Variants in DECR1 observed in about 807,000 individuals in gnomAD.
DECR1 encodes the protein 2,4-dienoyl-CoA reductase 1.
A neutral mutation model predicts 38.8 loss-of-function variants in DECR1; 44 were observed. The ratio of observed to expected loss-of-function variants is 1.13; its 90% CI spans 0.89 to 1.46. The LOEUF (loss-of-function observed/expected upper bound fraction) is 1.46, where lower values mean the gene tolerates loss of function less well. Among genes scored for constraint, DECR1 ranks in the 40% most tolerant of loss-of-function variants. The probability of loss-of-function intolerance (pLI) is 0.00; values close to 1 mark genes in which losing one functional copy is unlikely to be tolerated. For synonymous variants in DECR1, 148 were observed against 135.2 expected, an observed-to-expected ratio of 1.09 and a Z score of -0.66; for missense variants, 428 against 405.5, an observed-to-expected ratio of 1.06 and a Z score of -0.48.
intron 2 of DECR1, among the ~76,000 whole-genome samples, chr8:90,018,257 G>T (rs1813060496): frequency 1.3e-5 from 2 of 152,194 alleles, no homozygotes; most frequent in African/African-American, 4.8e-5. Flanking sequence ...TATAGGAAGG[G>T]TAAGACCATG....
chr8:90,035,181 A>G (rs1189033224), intron 5 of DECR1, among the ~76,000 whole-genome samples: 3 of 152,122 alleles, frequency 2.0e-5, no homozygotes, highest in Admixed American at 1.3e-4. Flanking sequence ...ATTGATTATG[A>G]TAATGTATTG....
chr8:90,016,837 G>T, intron 1 of DECR1: 1 of 341,510 alleles, frequency 2.9e-6, no homozygotes, highest in Non-Finnish European at 5.5e-6. Context: ...TTATTTTATT[G>T]TCCCCATTTT....
intron 4 of DECR1, among the ~76,000 whole-genome samples, chr8:90,019,651 G>A (rs1239239577): frequency 6.6e-6 from 1 of 152,184 alleles, no homozygotes; most frequent in African/African-American, 2.4e-5. Context: ...TAAAGAGGGG[G>A]TGCTTTCATC....
chr8:90,041,834 T>TTC (rs1373056607), intron 6 of DECR1, among the ~76,000 whole-genome samples: 1 of 152,134 alleles, frequency 6.6e-6, no homozygotes, highest in African/African-American at 2.4e-5. Flanking sequence ...ATCCTGGCTT[T>TTC]TCTCTCTCTT....
intron 4 of DECR1, among the ~76,000 whole-genome samples, chr8:90,019,768 C>T (rs921950302): frequency 6.6e-6 from 1 of 152,190 alleles, no homozygotes. Flanking sequence ...TTGAGAAGCA[C>T]CTATTTTCCA....
At chr8:90,002,344 C>G (rs1173192265) in intron 1 of DECR1, among the ~76,000 whole-genome samples, 1 of 152,138 alleles carries the variant, frequency 6.6e-6, no homozygotes, top group Non-Finnish European at 1.5e-5. Context: ...TATAGACTCC[C>G]CTTCCCAGAT....
rs185474203 is a variant in DECR1 at position 90,023,391 on chromosome 8, T to G, written c.565+2335T>G. On this transcript the variant is annotated intron_variant, in intron 5 of 9. Coordinates refer to ENST00000220764, the MANE Select transcript of DECR1 (RefSeq NM_001359.2). ...ACTCACTTAATGGTTATTACAGTTTTTTTTTGTTTAGATTCCTTTGGATTT... is the reference window on the plus strand; with the variant it reads ...ACTCACTTAATGGTTATTACAGTTTGTTTTTGTTTAGATTCCTTTGGATTT... Among the ~76,000 whole-genome samples the G allele has an allele frequency of 1.1e-4, 17 of 152,288 alleles. No homozygotes were observed. The East Asian group carries it at 3.1e-3, about 28-fold the overall frequency.
rs1812719693 is a variant in DECR1 at position 90,005,618 on chromosome 8, G to A, written c.69+4057G>A. On this transcript the variant is annotated intron_variant, in intron 1 of 9. Coordinates refer to ENST00000220764, the MANE Select transcript of DECR1 (RefSeq NM_001359.2). ...TGGCTCCCAAAAGGAAGAAGACCAA[G>A]GAGAACTGTTCATACCCAACGATCC... 7.3e-5 allele frequency: 27 copies of A among 371,666 alleles called. 1 individual carries two copies. The highest frequency in any genetic ancestry group is 5.3e-4 in the South Asian group (26 of 49,296). The allele number at this position is 371,666 out of a possible 1,614,324, so 23.0% of individuals were successfully genotyped here.
chr8:90,038,128 A>G (rs932446295), intron 6 of DECR1, among the ~76,000 whole-genome samples: 5 of 152,316 alleles, frequency 3.3e-5, no homozygotes, highest in African/African-American at 1.2e-4. Context: ...TGGAAATAGA[A>G]CAGTCCTCGT....
Position 90,008,538 on chromosome 8 carries a change from A to G in DECR1, c.69+6977A>G, listed in dbSNP as rs374597974. On this transcript the variant is annotated intron_variant, in intron 1 of 9. Coordinates refer to ENST00000220764, the MANE Select transcript of DECR1 (RefSeq NM_001359.2). Reference sequence around the variant, plus strand: ...TGAGAGAGGTAGAAAAATCTCTCTCAGTTCTTTTCAGTAAACAGGAGACCT... The same window carrying G: ...TGAGAGAGGTAGAAAAATCTCTCTCGGTTCTTTTCAGTAAACAGGAGACCT... Among the ~76,000 whole-genome samples, 10 of 152,352 alleles carry G rather than the reference A, an allele frequency of 6.6e-5. No individual in the cohort carries two copies. The East Asian group carries it at 1.2e-3, about 18-fold the overall frequency.
At chr8:90,018,680 A>G (rs202002079) in intron 2 of DECR1, 3 of 419,794 alleles carry the variant, frequency 7.1e-6, no homozygotes, top group Non-Finnish European at 1.3e-5. Context: ...CTGTGAGTAG[A>G]TAATGTTAAA....
chr8:90,019,415 A>G (rs970903536), intron 4 of DECR1, among the ~76,000 whole-genome samples: 3 of 152,252 alleles, frequency 2.0e-5, no homozygotes, highest in Admixed American at 6.5e-5. Context: ...CCTTCAGAGC[A>G]GGGCAACACC....
chr8:90,027,235 G>A (rs1394914899), intron 5 of DECR1, among the ~76,000 whole-genome samples: 1 of 152,158 alleles, frequency 6.6e-6, no homozygotes, highest in Non-Finnish European at 1.5e-5. Flanking sequence ...ATGTCTGTTA[G>A]GTCTGCTTGG....
rs184959407 is a variant in DECR1 at position 90,049,928 on chromosome 8, A to G, written c.886-1749A>G. Among the ~76,000 whole-genome samples the G allele has an allele frequency of 7.7e-3, 1,177 of 152,364 alleles. 6 individuals carry two copies. The highest frequency in any genetic ancestry group is 0.012 in the Non-Finnish European group (806 of 68,034). On this transcript the variant is annotated intron_variant, in intron 8 of 9. Coordinates refer to ENST00000220764, the MANE Select transcript of DECR1 (RefSeq NM_001359.2). ...CCTGACAAATACAAGAAATGGGGAA[A>G]GGATTCCCTGTTTAATAAATGGTGC...
chr8:90,023,772 G>T (rs1311701463), intron 5 of DECR1, among the ~76,000 whole-genome samples: 2 of 151,890 alleles, frequency 1.3e-5, no homozygotes, highest in African/African-American at 2.4e-5. Context: ...CAACGTGCAG[G>T]TTCGTTACAT....
intron 5 of DECR1, among the ~76,000 whole-genome samples, chr8:90,031,353 C>T (rs900420210): frequency 6.6e-5 from 10 of 152,086 alleles, no homozygotes; most frequent in Admixed American, 2.6e-4. Context: ...ATTTTTACCA[C>T]GTCTTTTACA....
At chr8:90,003,855 C>A (rs1812677549) in intron 1 of DECR1, among the ~76,000 whole-genome samples, 1 of 152,066 alleles carries the variant, frequency 6.6e-6, no homozygotes, top group African/African-American at 2.4e-5. Context: ...AGGAGAATCG[C>A]TTTAACCTGG....
At chr8:90,048,900 A>T (rs1465876977) in intron 8 of DECR1, among the ~76,000 whole-genome samples, 1 of 152,234 alleles carries the variant, frequency 6.6e-6, no homozygotes, top group African/African-American at 2.4e-5. Flanking sequence ...CAAATCAATA[A>T]ACATAATCCA....
chr8:90,028,758 CT>C (rs1563639878), intron 5 of DECR1, among the ~76,000 whole-genome samples: 1 of 151,572 alleles, frequency 6.6e-6, no homozygotes, highest in Non-Finnish European at 1.5e-5. Context: ...TTCCTTCCTT[CT>C]TTTTTTCTTT....
Sources: allele counts gnomAD v4.1 joint callset (sites outside exome capture counted in the v4.1 genomes callset), GRCh38; gene constraint gnomAD v4.1.1; transcripts MANE v1.5; gene names NCBI Gene and HGNC (gene_info 2026-07-23, HGNC 2026-07-21).